RNF216: variants seen among roughly 807,000 people sequenced by gnomAD.
RNF216 encodes the protein ring finger protein 216, also known as E3 ubiquitin-protein ligase RNF216.
RNF216 carries 72 observed loss-of-function variants against 110.8 expected under a neutral mutation model. The observed-to-expected ratio is 0.65, with a 90% confidence interval of 0.54 to 0.79. The LOEUF is 0.79. RNF216 is among the 30% of genes least tolerant of loss of function. The pLI, the probability that RNF216 is intolerant of heterozygous loss-of-function variation, is 0.00. For synonymous variants in RNF216, 495 were observed against 407.5 expected (o/e 1.21, Z -2.59); for missense variants, 1,342 against 1,141.2 (o/e 1.18, Z -2.54).
chr7:5,734,946 T>A (rs1046967130), intron 5 of RNF216, among the ~76,000 whole-genome samples: 2 of 151,556 alleles, frequency 1.3e-5, no homozygotes, highest in Admixed American at 6.6e-5. Context: ...AGGTCAGGAG[T>A]TCGAGACCAG....
At chr7:5,761,919 G>GC (rs1348538171) in intron 1 of RNF216, among the ~76,000 whole-genome samples, 4 of 152,174 alleles carry the variant, frequency 2.6e-5, no homozygotes, top group Non-Finnish European at 5.9e-5. Context: ...ATAGCAATTA[G>GC]CAATACGCCC....
intron 10 of RNF216, 123 bp downstream of exon 10, chr7:5,716,593 G>A (rs773589424): frequency 4.5e-5 from 31 of 685,950 alleles, no homozygotes; most frequent in Non-Finnish European, 7.3e-5. Context: ...TGGCTGAACT[G>A]CAAACTCACC....
chr7:5,648,352 C>A (rs1418400456), intron 14 of RNF216, among the ~76,000 whole-genome samples: 1 of 151,702 alleles, frequency 6.6e-6, no homozygotes, highest in Non-Finnish European at 1.5e-5. Flanking sequence ...GGTGATCCGC[C>A]TGCCTCAGCC....
At chr7:5,623,935 G>C (rs1240787253) in intron 16 of RNF216, 121 bp downstream of exon 16, 2 of 798,804 alleles carry the variant, frequency 2.5e-6, no homozygotes, top group African/African-American at 3.5e-5. Flanking sequence ...ATAGCCACCT[G>C]AGGGACAGCA....
intron 15 of RNF216, among the ~76,000 whole-genome samples, chr7:5,627,437 T>C (rs1287432391): frequency 2.0e-5 from 3 of 151,950 alleles, no homozygotes; most frequent in African/African-American, 7.3e-5. Context: ...TCCACATGGA[T>C]AGAAGGGGCA....
chr7:5,638,650 G>C (rs868779009), intron 15 of RNF216, among the ~76,000 whole-genome samples: 1 of 77,860 alleles, frequency 1.3e-5, no homozygotes, highest in Non-Finnish European at 2.6e-5. Flanking sequence ...TTTTTTTTTT[G>C]GGGGGGAGAC....
chr7:5,737,398 G>A (rs980801762), intron 5 of RNF216, among the ~76,000 whole-genome samples: 1 of 152,004 alleles, frequency 6.6e-6, no homozygotes, highest in Non-Finnish European at 1.5e-5. Context: ...AGACCCCAGG[G>A]TCCTCTGCCT....
chr7:5,759,741 C>T (rs1447091750), intron 2 of RNF216, among the ~76,000 whole-genome samples: 2 of 149,818 alleles, frequency 1.3e-5, no homozygotes, highest in Non-Finnish European at 1.5e-5. Flanking sequence ...AAGTGATTCT[C>T]CTGCCTCAGC....
At chr7:5,766,664 T>C (rs1796225276) in intron 1 of RNF216, among the ~76,000 whole-genome samples, 2 of 152,332 alleles carry the variant, frequency 1.3e-5, no homozygotes, top group South Asian at 2.1e-4. Flanking sequence ...TTGTTTTAAA[T>C]GTCACCCAGC....
intron 5 of RNF216, among the ~76,000 whole-genome samples, chr7:5,736,265 G>A (rs1439939877): frequency 3.9e-5 from 6 of 151,964 alleles, no homozygotes; most frequent in Admixed American, 1.3e-4. Context: ...TTGCAGGTGC[G>A]CGCCGCCACG....
chr7:5,650,940 C>T (rs1788348064), intron 14 of RNF216, among the ~76,000 whole-genome samples: 1 of 152,128 alleles, frequency 6.6e-6, no homozygotes, highest in Non-Finnish European at 1.5e-5. Flanking sequence ...TACCAAACTC[C>T]TTCCATATCC....
chr7:5,627,335 C>A (rs1299450403), intron 15 of RNF216, among the ~76,000 whole-genome samples: 1 of 152,236 alleles, frequency 6.6e-6, no homozygotes, highest in Non-Finnish European at 1.5e-5. Context: ...ACGCTGCAGA[C>A]ACAGTGAGGA....
At chr7:5,729,046 C>T (rs750681459) in intron 7 of RNF216, among the ~76,000 whole-genome samples, 1 of 152,166 alleles carries the variant, frequency 6.6e-6, no homozygotes, top group Non-Finnish European at 1.5e-5. Flanking sequence ...GCTGTGTTCC[C>T]GGACTCTCTA....
At chr7:5,763,701 C>A (rs1281262288) in intron 1 of RNF216, among the ~76,000 whole-genome samples, 1 of 152,090 alleles carries the variant, frequency 6.6e-6, no homozygotes, top group African/African-American at 2.4e-5. Context: ...CTCAGAGTAG[C>A]TGGGACCACA....
chr7:5,766,013 C>T (rs561458277), intron 1 of RNF216, among the ~76,000 whole-genome samples: 1 of 150,506 alleles, frequency 6.6e-6, no homozygotes, highest in African/African-American at 2.4e-5. Flanking sequence ...CACAATGGCT[C>T]ACACTTGTAA....
intron 4 of RNF216, among the ~76,000 whole-genome samples, chr7:5,740,489 A>G (rs1208199993): frequency 6.6e-6 from 1 of 152,188 alleles, no homozygotes; most frequent in Non-Finnish European, 1.5e-5. Flanking sequence ...ACTGTCCTCC[A>G]TGCTTGATGA....
At chr7:5,720,389 C>T (rs1054483396) in intron 9 of RNF216, among the ~76,000 whole-genome samples, 3 of 152,168 alleles carry the variant, frequency 2.0e-5, no homozygotes, top group Admixed American at 6.5e-5. Flanking sequence ...AACGTTTTCT[C>T]TAGCTTACCT....
chr7:5,698,241 C>G (rs573215596), intron 13 of RNF216, among the ~76,000 whole-genome samples: 13 of 152,132 alleles, frequency 8.5e-5, no homozygotes, highest in Admixed American at 4.6e-4. Flanking sequence ...CTGGTTGCAG[C>G]TGGACTGCAT....
chr7:5,672,635 C>T (rs1461951445), intron 13 of RNF216, among the ~76,000 whole-genome samples: 4 of 152,016 alleles, frequency 2.6e-5, no homozygotes, highest in African/African-American at 9.7e-5. Context: ...TGCTGGTACC[C>T]GACGATAAAG....
Sources: allele counts gnomAD v4.1 joint callset (sites outside exome capture counted in the v4.1 genomes callset), GRCh38; gene constraint gnomAD v4.1.1; transcripts MANE v1.5; gene names NCBI Gene and HGNC (gene_info 2026-07-23, HGNC 2026-07-21).